Variants in RGS6 observed in about 807,000 individuals in gnomAD.
The protein encoded by RGS6 is regulator of G-protein signaling 6.
Under a neutral mutation model 78.5 loss-of-function variants are expected in RGS6, and 30 were observed. The ratio of observed to expected loss-of-function variants is 0.38; its 90% CI spans 0.29 to 0.52. The LOEUF (loss-of-function observed/expected upper bound fraction) is 0.52, where lower values mean the gene tolerates loss of function less well. RGS6 is among the 20% of genes least tolerant of loss of function. The probability of loss-of-function intolerance (pLI) is 0.85; values close to 1 mark genes in which losing one functional copy is unlikely to be tolerated. For synonymous variants in RGS6, 206 were observed against 206.0 expected, an observed-to-expected ratio of 1.00 and a Z score of 0.00; for missense variants, 495 against 609.7, an observed-to-expected ratio of 0.81 and a Z score of 1.98.
At chr14:72,354,488 T>A (rs4899433) in intron 3 of RGS6, among the ~76,000 whole-genome samples, 8,646 of 116,970 alleles carry the variant, frequency 0.074, 439 homozygotes, top group East Asian at 0.32. Context: ...AAAAAAAAAA[T>A]AGCTGGGTGT....
intron 2 of RGS6, among the ~76,000 whole-genome samples, chr14:72,233,386 C>T (rs1383088015): frequency 3.3e-5 from 5 of 152,160 alleles, no homozygotes; most frequent in Admixed American, 3.3e-4. Flanking sequence ...CTGCCTGGCA[C>T]TTACCTCCAT....
intron 15 of RGS6, among the ~76,000 whole-genome samples, chr14:72,534,705 CTT>C (rs1482719453): frequency 6.6e-6 from 1 of 152,280 alleles, no homozygotes; most frequent in African/African-American, 2.4e-5. Flanking sequence ...ATTGCTCTGT[CTT>C]TTTCTGGCCA....
chr14:72,272,345 G>A lies in RGS6; in HGVS notation c.85-79750G>A, dbSNP rs2060068444. ...TGTTTTATGGAAATAGCACTTGCCT[G>A]GTAATCAGGAGACTTGGATTTTAGC... is the stretch of plus-strand genomic sequence containing the variant. On this transcript the variant is annotated intron_variant, in intron 2 of 17. Coordinates refer to ENST00000553525, the MANE Select transcript of RGS6 (RefSeq NM_001204424.2). Among the ~76,000 whole-genome samples, 2 of 152,198 alleles carry A rather than the reference G, an allele frequency of 1.3e-5. 1 individual carries two copies. Among genetic ancestry groups the A allele is most frequent in the South Asian group, 4.1e-4 (2 of 4,820 alleles).
chr14:72,166,997 G>A (rs2096937174), intron 2 of RGS6, among the ~76,000 whole-genome samples: 1 of 152,134 alleles, frequency 6.6e-6, no homozygotes, highest in Non-Finnish European at 1.5e-5. Flanking sequence ...TTTCGGTTCA[G>A]TAATTCAACC....
chr14:72,009,364 A>G (rs905414668), intron 2 of RGS6, among the ~76,000 whole-genome samples: 1 of 152,144 alleles, frequency 6.6e-6, no homozygotes, highest in Non-Finnish European at 1.5e-5. Context: ...TCTAAAAAAA[A>G]ACAGACAAAA....
At chr14:72,617,078 G>A in the RGS6 span, among the ~76,000 whole-genome samples, 2 of 152,188 alleles carry the variant, frequency 1.3e-5, no homozygotes, top group Non-Finnish European at 2.9e-5. Context: ...CCTTGGCCTG[G>A]GAGACCCAGC....
intron 2 of RGS6, among the ~76,000 whole-genome samples, chr14:72,235,551 A>C (rs1286643977): frequency 6.6e-6 from 1 of 152,218 alleles, no homozygotes; most frequent in Non-Finnish European, 1.5e-5. Context: ...TCTTATTTCA[A>C]TTATATCCAT....
chr14:71,941,392 G>C (rs140629985), intron 1 of RGS6, among the ~76,000 whole-genome samples: 2 of 152,144 alleles, frequency 1.3e-5, no homozygotes, highest in Non-Finnish European at 2.9e-5. Context: ...ACCAACGAAA[G>C]AACTCCATTC....
chr14:72,302,019 C>A (rs1360348161), intron 2 of RGS6, among the ~76,000 whole-genome samples: 3 of 152,120 alleles, frequency 2.0e-5, no homozygotes, highest in Non-Finnish European at 2.9e-5. Flanking sequence ...TAATAAGGAA[C>A]CTCTAAGATG....
intron 2 of RGS6, among the ~76,000 whole-genome samples, chr14:72,044,392 A>G (rs1311852541): frequency 6.6e-6 from 1 of 152,210 alleles, no homozygotes; most frequent in Non-Finnish European, 1.5e-5. Context: ...CCCTGCCCCA[A>G]TATTGACAGG....
At chr14:72,489,164 A>AC (rs200005100) in intron 12 of RGS6, among the ~76,000 whole-genome samples, 21 of 146,504 alleles carry the variant, frequency 1.4e-4, no homozygotes, top group Admixed American at 2.8e-4. Context: ...GGGCCCCCCC[A>AC]CCGGCTGTTT....
chr14:72,558,886 G>A (rs2097627865), intron 17 of RGS6, among the ~76,000 whole-genome samples: 1 of 152,202 alleles, frequency 6.6e-6, no homozygotes, highest in Non-Finnish European at 1.5e-5. Flanking sequence ...CTTGGACAAA[G>A]GCTGCCTGCT....
intron 2 of RGS6, among the ~76,000 whole-genome samples, chr14:72,230,786 T>C (rs1424761769): frequency 6.6e-6 from 1 of 152,166 alleles, no homozygotes; most frequent in African/African-American, 2.4e-5. Flanking sequence ...CCCACCTGCA[T>C]GATCAAGGGT....
intron 2 of RGS6, among the ~76,000 whole-genome samples, chr14:72,109,871 T>C (rs1292456464): frequency 6.6e-6 from 1 of 152,154 alleles, no homozygotes; most frequent in African/African-American, 2.4e-5. Flanking sequence ...GGGAAGTGAC[T>C]TTCCCAATAC....
At chr14:71,877,946 C>T in the RGS6 span, among the ~76,000 whole-genome samples, 2 of 152,182 alleles carry the variant, frequency 1.3e-5, no homozygotes, top group African/African-American at 4.8e-5. Flanking sequence ...TGCTGGAGGT[C>T]CACTCCAGAC....
the RGS6 span, among the ~76,000 whole-genome samples, chr14:71,896,511 T>C: frequency 1.3e-5 from 2 of 152,166 alleles, no homozygotes; most frequent in African/African-American, 4.8e-5. Flanking sequence ...ACAGGCTGTT[T>C]TATCAGCAAG....
At chr14:72,088,816 A>G (rs1243400075) in intron 2 of RGS6, among the ~76,000 whole-genome samples, 4 of 152,080 alleles carry the variant, frequency 2.6e-5, no homozygotes, top group Admixed American at 2.6e-4. Flanking sequence ...TGTTCACTAT[A>G]TTCTAGTCAC....
intron 3 of RGS6, among the ~76,000 whole-genome samples, chr14:72,378,570 C>T (rs1045907742): frequency 6.6e-5 from 10 of 151,892 alleles, no homozygotes; most frequent in African/African-American, 2.4e-4. Context: ...TGAACAACTC[C>T]ATGCCAGTAA....
At chr14:72,126,569 A>G (rs1237629579) in intron 2 of RGS6, among the ~76,000 whole-genome samples, 1 of 152,202 alleles carries the variant, frequency 6.6e-6, no homozygotes, top group Non-Finnish European at 1.5e-5. Context: ...CATTGTGAGC[A>G]TTTTTGTCTC....
Sources: gnomAD v4.1 joint callset for allele counts (sites outside exome capture counted in the v4.1 genomes callset) on GRCh38, gnomAD v4.1.1 for gene constraint, MANE v1.5 for transcripts, NCBI Gene and HGNC (gene_info 2026-07-23, HGNC 2026-07-21) for gene names.